Variants in ABCC9 observed in about 807,000 individuals in gnomAD.
ABCC9 encodes the protein ATP binding cassette subfamily C member 9.
ABCC9 carries 95 observed loss-of-function variants against 188.3 expected under a neutral mutation model. The ratio of observed to expected loss-of-function variants is 0.50; its 90% CI spans 0.43 to 0.60. The LOEUF is 0.60. ABCC9 is among the 20% of genes least tolerant of loss of function. The pLI is 0.00. For missense variants in ABCC9, 1,102 were observed against 1,876.3 expected, an observed-to-expected ratio of 0.59 and a Z score of 7.62; for synonymous variants, 659 against 652.7, an observed-to-expected ratio of 1.01 and a Z score of -0.15.
chr12:21,888,723 A>AC (rs1462999533), intron 14 of ABCC9, among the ~76,000 whole-genome samples: 5 of 152,090 alleles, frequency 3.3e-5, no homozygotes, highest in Non-Finnish European at 5.9e-5. Context: ...TGGCTCATCT[A>AC]CTCTACCCAT....
chr12:21,809,133 G>A (rs546097271), intron 37 of ABCC9, among the ~76,000 whole-genome samples: 7 of 152,002 alleles, frequency 4.6e-5, no homozygotes, highest in Non-Finnish European at 1.0e-4. Context: ...GATGAGTTAA[G>A]ATGTTAAGGA....
chr12:21,879,753 A>G (rs1012241752), intron 16 of ABCC9, among the ~76,000 whole-genome samples: 9 of 152,128 alleles, frequency 5.9e-5, no homozygotes, highest in Non-Finnish European at 1.2e-4. Context: ...CAGTTAGGAA[A>G]TTCCAAGTCC....
At chr12:21,931,823 G>A (rs1949301528) in intron 4 of ABCC9, among the ~76,000 whole-genome samples, 1 of 152,124 alleles carries the variant, frequency 6.6e-6, no homozygotes, top group South Asian at 2.1e-4. Flanking sequence ...TTACCAACAA[G>A]ATAATATCCA....
chr12:21,877,154 T>C (rs1455138618), intron 16 of ABCC9, among the ~76,000 whole-genome samples: 1 of 152,180 alleles, frequency 6.6e-6, no homozygotes, highest in Non-Finnish European at 1.5e-5. Flanking sequence ...GCATCCTCCC[T>C]GCTCTCTTGA....
chr12:21,900,822 G>A (rs1042946632), intron 12 of ABCC9, among the ~76,000 whole-genome samples: 1 of 152,134 alleles, frequency 6.6e-6, no homozygotes, highest in Admixed American at 6.5e-5. Flanking sequence ...CCAAATCTAC[G>A]TCTGATTGGG....
At chr12:21,926,542 C>CA (rs1229792668) in intron 4 of ABCC9, among the ~76,000 whole-genome samples, 1 of 152,106 alleles carries the variant, frequency 6.6e-6, no homozygotes, top group African/African-American at 2.4e-5. Flanking sequence ...ATGAAGAAAA[C>CA]AAGACGTAAC....
intron 36 of ABCC9, among the ~76,000 whole-genome samples, chr12:21,810,720 G>A (rs925095009): frequency 2.6e-5 from 4 of 152,112 alleles, no homozygotes; most frequent in Non-Finnish European, 4.4e-5. Context: ...TGAGGTTTTG[G>A]TGGGGACATA....
intron 33 of ABCC9, 102 bp from the exon 34 acceptor site, chr12:21,815,995 T>A (rs891366667): frequency 5.1e-5 from 33 of 642,536 alleles, no homozygotes; most frequent in Admixed American, 2.8e-4. Flanking sequence ...ATATATATAT[T>A]TTTCTAAATT....
At chr12:21,900,329 C>A (rs936136780) in intron 12 of ABCC9, among the ~76,000 whole-genome samples, 2 of 152,058 alleles carry the variant, frequency 1.3e-5, no homozygotes, top group Non-Finnish European at 2.9e-5. Context: ...CATCAAAGAC[C>A]AAAGGTAGAT....
At position 21,817,203 on chromosome 12, in the gene ABCC9, G is replaced by A. The variant is rs1942704678; in HGVS notation, c.3876C>T (p.Asn1292=). The change falls in exon 33 of 40, where the codon AAC becomes AAT. Residue 1292 remains asparagine (N), a synonymous_variant. Coordinates refer to ENST00000261200, the MANE Select transcript of ABCC9 (RefSeq NM_020297.4). ...GAGCAATACCCATTGTGCCTTCATA[G>A]TTCTCTGACTCCATAGTCAGGAAAC... ...VNSFLTMESE[N]YEGTMDPSQV... is the part of the protein sequence containing the mutation. 1 of 1,613,536 alleles carries A rather than the reference G, an allele frequency of 6.2e-7. No homozygotes were observed. Among genetic ancestry groups the A allele is most frequent in the African/African-American group, 1.3e-5 (1 of 74,852 alleles).
At chr12:21,915,194 C>CCTGG (rs887451414) in intron 7 of ABCC9, among the ~76,000 whole-genome samples, 2 of 146,780 alleles carry the variant, frequency 1.4e-5, no homozygotes, top group African/African-American at 5.1e-5. Flanking sequence ...AGCCATCGTG[C>CCTGG]CTGGCCTAAG....
At chr12:21,915,094 T>G (rs2137907137) in intron 7 of ABCC9, among the ~76,000 whole-genome samples, 1 of 151,640 alleles carries the variant, frequency 6.6e-6, no homozygotes. Context: ...AAAGATGGGG[T>G]TTCTCCATGT....
chr12:21,801,264 A>T, intron 39 of ABCC9, 83 bp from the exon 40 acceptor site: 2 of 1,555,192 alleles, frequency 1.3e-6, no homozygotes, highest in East Asian at 2.3e-5. Flanking sequence ...TTCATGAATT[A>T]TTCTGGGACA....
chr12:21,825,669 G>C (rs1943335437), intron 31 of ABCC9, among the ~76,000 whole-genome samples: 1 of 152,084 alleles, frequency 6.6e-6, no homozygotes, highest in Non-Finnish European at 1.5e-5. Context: ...GGGAGGGATA[G>C]CATTAGGAGA....
chr12:21,915,060 C>T (rs1292047026), intron 7 of ABCC9, among the ~76,000 whole-genome samples: 1 of 151,540 alleles, frequency 6.6e-6, no homozygotes, highest in Non-Finnish European at 1.5e-5. Flanking sequence ...GTCACCATGC[C>T]CGGCTAATTT....
chr12:21,919,454 C>A (rs898163267), intron 5 of ABCC9, among the ~76,000 whole-genome samples: 5 of 151,664 alleles, frequency 3.3e-5, no homozygotes, highest in Admixed American at 2.6e-4. Flanking sequence ...TAAAAATGTA[C>A]CTTATCAAAA....
chr12:21,909,704 C>G (rs1173537996), intron 10 of ABCC9, among the ~76,000 whole-genome samples: 1 of 151,582 alleles, frequency 6.6e-6, no homozygotes, highest in Admixed American at 6.6e-5. Context: ...GAGAGCTTGC[C>G]AAAATAAAAG....
chr12:21,897,063 C>T (rs1357020700), intron 12 of ABCC9, among the ~76,000 whole-genome samples: 1 of 152,184 alleles, frequency 6.6e-6, no homozygotes, highest in African/African-American at 2.4e-5. Flanking sequence ...TCCTGTTTCT[C>T]CACAGCCTCA....
At chr12:21,826,183 A>G (rs1300928311) in intron 31 of ABCC9, among the ~76,000 whole-genome samples, 2 of 152,290 alleles carry the variant, frequency 1.3e-5, no homozygotes, top group Admixed American at 6.5e-5. Context: ...TTACTGAGTA[A>G]TACAACAAAG....
Sources: allele counts gnomAD v4.1 joint callset (sites outside exome capture counted in the v4.1 genomes callset), GRCh38; gene constraint gnomAD v4.1.1; transcripts MANE v1.5; gene names NCBI Gene and HGNC (gene_info 2026-07-23, HGNC 2026-07-21).